Variants in CSTF3 observed in about 807,000 individuals in gnomAD.
The protein encoded by CSTF3 is cleavage stimulation factor subunit 3, also known as CF-1 77 kDa subunit.
In CSTF3, 29 loss-of-function variants were observed where a neutral mutation model predicts 105.8. That is an observed-to-expected ratio of 0.27 (90% CI 0.20 to 0.37). The LOEUF (loss-of-function observed/expected upper bound fraction) is 0.37, where lower values mean the gene tolerates loss of function less well. Among genes scored for constraint, CSTF3 ranks in the 10% least tolerant of loss-of-function variants. CSTF3 has a pLI of 1.00. For synonymous variants in CSTF3, 252 were observed against 281.9 expected (o/e 0.89, Z 1.06); for missense variants, 357 against 879.3 (o/e 0.41, Z 7.51).
At chr11:33,140,107 T>A (rs976261253) in intron 3 of CSTF3, among the ~76,000 whole-genome samples, 9 of 152,038 alleles carry the variant, frequency 5.9e-5, no homozygotes, top group Admixed American at 2.6e-4. Context: ...CAATTATATA[T>A]CAATTATTTT....
intron 3 of CSTF3, among the ~76,000 whole-genome samples, chr11:33,112,330 A>G (rs776697634): frequency 1.3e-5 from 2 of 152,186 alleles, no homozygotes; most frequent in Non-Finnish European, 2.9e-5. Flanking sequence ...ATTTGATCAC[A>G]TTGCATTAAT....
At chr11:33,113,512 G>A (rs976006587) in intron 3 of CSTF3, among the ~76,000 whole-genome samples, 10 of 151,874 alleles carry the variant, frequency 6.6e-5, no homozygotes, top group African/African-American at 2.4e-4. Flanking sequence ...GCAAGACCCT[G>A]TCTAAACAAA....
chr11:33,102,091 G>T, intron 10 of CSTF3, 86 bp downstream of exon 10: 1 of 991,766 alleles, frequency 1.0e-6, no homozygotes. Context: ...AAAAGATTAG[G>T]GGTAAGAAAA....
At chr11:33,146,915 C>A (rs566035535) in intron 1 of CSTF3, among the ~76,000 whole-genome samples, 2 of 151,472 alleles carry the variant, frequency 1.3e-5, no homozygotes, top group South Asian at 4.2e-4. Flanking sequence ...CCTGTAATCC[C>A]AGCACTTTGA....
chr11:33,108,335 T>G, intron 4 of CSTF3, 51 bp downstream of exon 4: 1 of 1,378,924 alleles, frequency 7.3e-7, no homozygotes, highest in Non-Finnish European at 9.7e-7. Flanking sequence ...TTATACATAC[T>G]AGGTTTTAAG....
At chr11:33,154,207 T>G (rs1050600722) in intron 1 of CSTF3, among the ~76,000 whole-genome samples, 16 of 152,110 alleles carry the variant, frequency 1.1e-4, no homozygotes, top group Non-Finnish European at 1.8e-4. Context: ...GAAATCAGAG[T>G]CTACGTATCT....
chr11:33,143,353 T>C (rs138755512), intron 1 of CSTF3, among the ~76,000 whole-genome samples: 212 of 152,320 alleles, frequency 1.4e-3, no homozygotes, highest in African/African-American at 4.8e-3. Context: ...CCTAAAATAG[T>C]AGCCAGCACT....
At chr11:33,142,042 A>G in intron 1 of CSTF3, 56 bp from the exon 2 acceptor site, 1 of 1,606,550 alleles carries the variant, frequency 6.2e-7, no homozygotes, top group East Asian at 2.2e-5. Flanking sequence ...TCTCATGCCT[A>G]ACTTAATTCA....
intron 1 of CSTF3, among the ~76,000 whole-genome samples, chr11:33,159,469 CG>C (rs2133813057): frequency 6.6e-6 from 1 of 151,830 alleles, no homozygotes; most frequent in East Asian, 1.9e-4. Context: ...TGGTGGTGGG[CG>C]CCTGTAATCC....
chr11:33,095,318 T>A (rs889680362), intron 15 of CSTF3, among the ~76,000 whole-genome samples: 1 of 152,182 alleles, frequency 6.6e-6, no homozygotes, highest in African/African-American at 2.4e-5. Flanking sequence ...GCTCAAGTGA[T>A]CCAAGTATCT....
intron 3 of CSTF3, among the ~76,000 whole-genome samples, chr11:33,131,092 C>T (rs931153227): frequency 1.3e-5 from 2 of 152,084 alleles, no homozygotes; most frequent in Non-Finnish European, 2.9e-5. Context: ...AAAGATTTGC[C>T]CCTTTTGTGT....
intron 3 of CSTF3, among the ~76,000 whole-genome samples, chr11:33,137,343 T>G (rs2133796273): frequency 6.6e-6 from 1 of 151,920 alleles, no homozygotes; most frequent in African/African-American, 2.4e-5. Context: ...TCTAAGTGAC[T>G]ACATCCTTTT....
intron 3 of CSTF3, among the ~76,000 whole-genome samples, chr11:33,129,068 CCCTGAAAAAATAACGTGGATGGAAGAA>C (rs1458768852): frequency 4.6e-5 from 7 of 152,242 alleles, no homozygotes; most frequent in Admixed American, 6.5e-5. Context: ...TCCTCATCTT[CCCTGAAAAAATAACGTGGATGGAAGAA>C]CCTGAAAAAA....
intron 15 of CSTF3, among the ~76,000 whole-genome samples, chr11:33,092,819 TCTTGCAGAGGTACAATATCTAGGTTGG>T (rs1855182773): frequency 6.6e-6 from 1 of 152,192 alleles, no homozygotes; most frequent in Admixed American, 6.5e-5. Flanking sequence ...CTACTTTAAC[TCTTGCAGAGGTACAATATCTAGGTTGG>T]CAGGTAACTA....
chr11:33,160,295 T>C (rs1485821255), intron 1 of CSTF3, among the ~76,000 whole-genome samples: 4 of 152,134 alleles, frequency 2.6e-5, no homozygotes, highest in Non-Finnish European at 4.4e-5. Flanking sequence ...GACTATGCAA[T>C]AGAACGCTCC....
chr11:33,120,136 T>G (rs144008376), intron 3 of CSTF3, among the ~76,000 whole-genome samples: 121 of 151,798 alleles, frequency 8.0e-4, no homozygotes, highest in African/African-American at 2.8e-3. Context: ...TGCAAGAGAT[T>G]CTTATAAAAC....
chr11:33,087,978 CTCTG>C (rs774320126), intron 17 of CSTF3, among the ~76,000 whole-genome samples: 58 of 152,320 alleles, frequency 3.8e-4, no homozygotes, highest in East Asian at 1.9e-3. Flanking sequence ...CCCAGTGTTA[CTCTG>C]TCTGTCTAGA....
chr11:33,150,234 A>AAG (rs1565020390), intron 1 of CSTF3, among the ~76,000 whole-genome samples: 33 of 106,610 alleles, frequency 3.1e-4, no homozygotes, highest in African/African-American at 8.2e-4. Context: ...AAAAAAAAAA[A>AAG]AAAAAGAAAA....
At chr11:33,152,239 G>A (rs758393857) in intron 1 of CSTF3, among the ~76,000 whole-genome samples, 13 of 152,034 alleles carry the variant, frequency 8.6e-5, no homozygotes, top group East Asian at 1.9e-4. Context: ...CAGCCTGGGC[G>A]ACAGAGCGAG....
Sources: allele counts gnomAD v4.1 joint callset (sites outside exome capture counted in the v4.1 genomes callset), GRCh38; gene constraint gnomAD v4.1.1; transcripts MANE v1.5; gene names NCBI Gene and HGNC (gene_info 2026-07-23, HGNC 2026-07-21).